Variants in PRUNE2 observed in about 807,000 individuals in gnomAD.
The protein encoded by PRUNE2 is protein prune homolog 2.
In PRUNE2, 164 loss-of-function variants were observed where a neutral mutation model predicts 252.0. The observed-to-expected ratio is 0.65, with a 90% CI of 0.57 to 0.74. The LOEUF (loss-of-function observed/expected upper bound fraction) is 0.74. Among genes scored for constraint, PRUNE2 ranks in the 30% least tolerant of loss-of-function variants. The pLI is 0.00. For synonymous variants in PRUNE2, 1,292 were observed against 1,350.2 expected (o/e 0.96, Z 0.94); for missense variants, 3,495 against 3,711.0 (o/e 0.94, Z 1.51).
chr9:76,854,096 T>G lies in PRUNE2; in HGVS notation c.141+8A>C. On this transcript the variant is annotated splice_region_variant and intron_variant, in intron 2 of 18. Coordinates refer to ENST00000376718, the MANE Select transcript of PRUNE2 (RefSeq NM_015225.3). ...AAATATAAGGAGTATTACCCTTTTT[T>G]CCCTCACCTTGTCTAGAAAGTAAGC... The G allele has an allele frequency of 6.9e-7, 1 of 1,457,028 alleles. No individual in the cohort carries two copies. Among genetic ancestry groups the G allele is most frequent in the South Asian group, 1.2e-5 (1 of 82,942 alleles). The allele number at this position is 1,457,028 out of a possible 1,614,324, so 90.3% of individuals were successfully genotyped here. A position where few individuals can be genotyped will look rare whatever the true frequency, so the allele number is the denominator to read the frequency against.
chr9:76,706,882 C>T lies in PRUNE2; in HGVS notation c.5392G>A (p.Val1798Ile). Residue 1798 changes from valine to isoleucine, a missense_variant, in exon 8 of 19, where the codon GTT becomes ATT. By Grantham distance (29) the Val-to-Ile change is conservative. Transcript: ENST00000376718. ...GCTTTGGGAGATATTTGCCATGCAACATCTCCTGTTGTCCCTGTTTCTGGA... is the reference window on the plus strand; with the variant it reads ...GCTTTGGGAGATATTTGCCATGCAATATCTCCTGTTGTCCCTGTTTCTGGA... ...SSPETGTTGD[V>I]AWQISPKASF... 1.3e-6 allele frequency: 2 copies of T among 1,596,004 alleles called. No individual in the cohort carries two copies. Among genetic ancestry groups the T allele is most frequent in the East Asian group, 2.2e-5 (1 of 44,688 alleles).
chr9:76,710,820 C>A lies in PRUNE2; in HGVS notation c.1454G>T (p.Gly485Val), dbSNP rs772395632. 2.7e-5 allele frequency: 42 copies of A among 1,560,846 alleles called. No homozygotes were observed. In the Middle Eastern group the frequency reaches 5.2e-4, roughly 19 times the overall value. ...GAGGTCGAAGTGCTCACCGTGTTCT[C>A]CAGACCATGCATGTTCCTCCGCCAC... ...GAVAEEHAWS[G>V]EHGEHFDLFN... Residue 485 changes from glycine (G) to valine (V), a missense_variant, in exon 8 of 19, where the codon GGA becomes GTA. Gly to Val is a moderately radical substitution (Grantham distance 109). Coordinates refer to ENST00000376718, the MANE Select transcript of PRUNE2 (RefSeq NM_015225.3).
At chr9:76,796,123 T>C (rs17181444) in intron 6 of PRUNE2, among the ~76,000 whole-genome samples, 1 of 152,152 alleles carries the variant, frequency 6.6e-6, no homozygotes, top group African/African-American at 2.4e-5. Context: ...ACAAAAGATA[T>C]ATGATCACTC....
chr9:76,797,038 T>TACGCACACACACACACAC (rs71309258), intron 6 of PRUNE2, among the ~76,000 whole-genome samples: 151 of 151,756 alleles, frequency 1.0e-3, no homozygotes, highest in African/African-American at 3.6e-3. Flanking sequence ...CACTCACACA[T>TACGCACACACACACACAC]ACACACACAC....
chr9:76,877,192 T>C (rs1160175483), intron 1 of PRUNE2, among the ~76,000 whole-genome samples: 4 of 150,740 alleles, frequency 2.7e-5, no homozygotes, highest in Admixed American at 6.6e-5. Flanking sequence ...AAAGAGGACC[T>C]ATACATTTTT....
Position 76,708,917 on chromosome 9 carries a change from AATCACT to A in PRUNE2, c.3351_3356del (p.Arg1117_Ile1119delinsSer). On this transcript the variant is annotated inframe_deletion, in exon 8 of 19. Transcript: ENST00000376718. ...TTGCAGTGGACTGAGTATCCTCCAAAATCACTCTGTTCCACAAGTCGAGACTGTCAG... is the reference window on the plus strand; with the variant it reads ...TTGCAGTGGACTGAGTATCCTCCAAACTGTTCCACAAGTCGAGACTGTCAG... The A allele has an allele frequency of 6.2e-7, 1 of 1,613,988 alleles. No homozygotes were observed. Among genetic ancestry groups the A allele is most frequent in the Non-Finnish European group, 8.5e-7 (1 of 1,179,892 alleles).
Position 76,710,695 on chromosome 9 carries a change from G to C in PRUNE2, c.1579C>G (p.Leu527Val), listed in dbSNP as rs1285360989. The change falls in exon 8 of 19, where the codon CTG becomes GTG. Residue 527 changes from leucine to valine, a missense_variant. By Grantham distance (32) the Leu-to-Val change is conservative. Transcript: ENST00000376718. Reference sequence around the variant, plus strand: ...CCAGCGGGGAGCTGTCCTTCTGACAGGTCACTGTTGGGGAAGAAGTCATCT... The same window carrying C: ...CCAGCGGGGAGCTGTCCTTCTGACACGTCACTGTTGGGGAAGAAGTCATCT... Reference protein sequence around the residue: ...PADDFFPNSDLSEGQLPAGPE... With the variant: ...PADDFFPNSDVSEGQLPAGPE... The C allele has an allele frequency of 2.5e-6, 4 of 1,612,674 alleles. No homozygotes were observed. The highest frequency in any genetic ancestry group is 2.2e-5 in the South Asian group (2 of 90,768).
chr9:76,744,805 C>A (rs892799717), intron 6 of PRUNE2, among the ~76,000 whole-genome samples: 1 of 152,222 alleles, frequency 6.6e-6, no homozygotes, highest in Admixed American at 6.5e-5. Context: ...GTGCCTCACC[C>A]AGCTGCTGGA....
rs200071218 is a variant in PRUNE2 at position 76,703,502 on chromosome 9, C to A, written c.8111G>T (p.Arg2704Leu). ...PVSQSQKSKS[R>L]GRAGPDAVTL... ...AACTGCATCCGGGCCAGCCCTGCCTCGGCTCTTACTCTTCTGTGATTGGCT... is the reference window on the plus strand; with the variant it reads ...AACTGCATCCGGGCCAGCCCTGCCTAGGCTCTTACTCTTCTGTGATTGGCT... The change falls in exon 9 of 19, where the codon CGA becomes CTA. Residue 2704 changes from arginine to leucine, a missense_variant. By Grantham distance (102) the Arg-to-Leu change is moderately radical (BLOSUM62 -2). Transcript: ENST00000376718. 2.5e-6 allele frequency: 4 copies of A among 1,613,748 alleles called. No individual in the cohort carries two copies. In the South Asian group the frequency reaches 3.3e-5, roughly 13 times the overall value.
chr9:76,670,177 C>G (rs2041051151), intron 9 of PRUNE2, among the ~76,000 whole-genome samples: 1 of 152,166 alleles, frequency 6.6e-6, no homozygotes, highest in Non-Finnish European at 1.5e-5. Flanking sequence ...ACAGTGGGCA[C>G]AGGTCAGTGG....
intron 1 of PRUNE2, among the ~76,000 whole-genome samples, chr9:76,898,846 G>A (rs771726735): frequency 6.6e-6 from 1 of 152,182 alleles, no homozygotes; most frequent in Non-Finnish European, 1.5e-5. Flanking sequence ...TGGCATTACA[G>A]GCTAAAACAA....
chr9:76,708,932 C>G lies in PRUNE2; in HGVS notation c.3342G>C (p.Leu1114Phe). The change falls in exon 8 of 19, where the codon TTG becomes TTC. Residue 1114 changes from leucine (L) to phenylalanine (F), a missense_variant. By Grantham distance (22) the Leu-to-Phe change is conservative. Transcript: ENST00000376718. ...SRQTAPDSLD[L>F]WNRVILEDTQ... ...TATCCTCCAAAATCACTCTGTTCCA[C>G]AAGTCGAGACTGTCAGGGGCCGTCT... 1 of 1,614,042 alleles carries G rather than the reference C, an allele frequency of 6.2e-7. No homozygotes were observed. The highest frequency in any genetic ancestry group is 8.5e-7 in the Non-Finnish European group (1 of 1,179,910).
In PRUNE2 at chr9:76,703,701, G is replaced by A; in HGVS notation, c.7912C>T (p.His2638Tyr). 1 of 1,613,242 alleles carries A rather than the reference G, an allele frequency of 6.2e-7. No individual in the cohort carries two copies. The highest frequency in any genetic ancestry group is 8.5e-7 in the Non-Finnish European group (1 of 1,179,850). ...AQDQSWMFLG[H>Y]SEVGDPSLDA... ...AGTGATGGATCACCAACCTCACTATGGCCCAAGAACATCCAACTCTGGTCT... is the reference window on the plus strand; with the variant it reads ...AGTGATGGATCACCAACCTCACTATAGCCCAAGAACATCCAACTCTGGTCT... Residue 2638 changes from histidine (H) to tyrosine (Y), a missense_variant, in exon 9 of 19, where the codon CAT becomes TAT. By Grantham distance (83) the His-to-Tyr change is moderately conservative. Coordinates refer to ENST00000376718, the MANE Select transcript of PRUNE2 (RefSeq NM_015225.3).
intron 1 of PRUNE2, among the ~76,000 whole-genome samples, chr9:76,873,762 T>C (rs1336954467): frequency 6.6e-6 from 1 of 152,212 alleles, no homozygotes. Flanking sequence ...ATACACAATA[T>C]CGATGGCATT....
intron 9 of PRUNE2, among the ~76,000 whole-genome samples, chr9:76,701,023 TG>T (rs751346133): frequency 3.9e-5 from 6 of 152,262 alleles, no homozygotes; most frequent in Non-Finnish European, 8.8e-5. Flanking sequence ...TTAGTTAAAC[TG>T]TAAACTCCTA....
intron 6 of PRUNE2, among the ~76,000 whole-genome samples, chr9:76,735,040 A>T (rs2048956308): frequency 6.6e-6 from 1 of 152,276 alleles, no homozygotes; most frequent in Admixed American, 6.5e-5. Context: ...CATCCTGGGG[A>T]GTCATGGAGA....
At chr9:76,615,046 A>C in intron 18 of PRUNE2, 3 of 953,328 alleles carry the variant, frequency 3.1e-6, no homozygotes, top group Non-Finnish European at 3.7e-6. Flanking sequence ...ACAAAACAAC[A>C]CCAAACATTT....
intron 6 of PRUNE2, among the ~76,000 whole-genome samples, chr9:76,774,459 T>TTATTTATTTATTTATTTTTA (rs2053502173): frequency 3.6e-5 from 5 of 139,036 alleles, no homozygotes; most frequent in Non-Finnish European, 7.9e-5. Context: ...CCTTTTTTTT[T>TTATTTATTTATTTATTTTTA]TTTTTTTTTT....
intron 6 of PRUNE2, chr9:76,782,832 G>C (rs1446844835): frequency 6.6e-6 from 1 of 152,156 alleles, no homozygotes; most frequent in African/African-American, 2.4e-5. Flanking sequence ...CAATGGCAGG[G>C]GTGAGTTACA....
Sources: gnomAD v4.1 joint callset for allele counts (sites outside exome capture counted in the v4.1 genomes callset) on GRCh38, gnomAD v4.1.1 for gene constraint, MANE v1.5 for transcripts, NCBI Gene and HGNC (gene_info 2026-07-23, HGNC 2026-07-21) for gene names.